Variants in ZBBX observed in about 807,000 individuals in gnomAD.
ZBBX encodes the protein zinc finger B-box domain-containing protein 1.
A neutral mutation model predicts 108.5 loss-of-function variants in ZBBX; 101 were observed. The observed-to-expected ratio is 0.93, with a 90% confidence interval of 0.79 to 1.10. The LOEUF is 1.10. ZBBX is among the 50% of genes least tolerant of loss of function. The probability of loss-of-function intolerance (pLI) is 0.00; values close to 1 mark genes in which losing one functional copy is unlikely to be tolerated. For missense variants in ZBBX, 1,009 were observed against 941.4 expected, an observed-to-expected ratio of 1.07 and a Z score of -0.94; for synonymous variants, 356 against 323.4, an observed-to-expected ratio of 1.10 and a Z score of -1.08.
chr3:167,304,314 A>G (rs1298610675), intron 17 of ZBBX, among the ~76,000 whole-genome samples: 2 of 152,120 alleles, frequency 1.3e-5, no homozygotes, highest in Non-Finnish European at 2.9e-5. Context: ...CACTTATTAC[A>G]CAGCTCACTG....
At chr3:167,359,535 ATTG>A (rs570269326) in intron 8 of ZBBX, among the ~76,000 whole-genome samples, 8 of 152,074 alleles carry the variant, frequency 5.3e-5, no homozygotes, top group Non-Finnish European at 7.4e-5. Flanking sequence ...GTCAAAAAGA[ATTG>A]TTGTTGTAGT....
At chr3:167,299,687 T>C (rs1391931260) in intron 17 of ZBBX, among the ~76,000 whole-genome samples, 4 of 152,130 alleles carry the variant, frequency 2.6e-5, no homozygotes, top group Non-Finnish European at 5.9e-5. Flanking sequence ...ACAGAAATCA[T>C]TTTCTGAAAA....
Position 167,333,985 on chromosome 3 carries a change from C to G in ZBBX, c.529G>C (p.Ala177Pro). The part of the protein sequence containing the change: ...LKLHRTTLLQ[A>P]KSQILFNVLD... ...ACATTGAATAATATTTGAGATTTTG[C>G]CTATTAAAAAAGTAACAATATAATT... Residue 177 changes from alanine to proline, a missense_variant and splice_region_variant, in exon 10 of 22, where the codon GCA becomes CCA. Coordinates refer to ENST00000675490, the MANE Select transcript of ZBBX (RefSeq NM_001199201.2). 1 of 1,513,594 alleles carries G rather than the reference C, an allele frequency of 6.6e-7. No individual in the cohort carries two copies. Among genetic ancestry groups the G allele is most frequent in the Non-Finnish European group, 8.8e-7 (1 of 1,130,432 alleles). The allele number at this position is 1,513,594 out of a possible 1,614,324, so 93.8% of individuals were successfully genotyped here.
intron 20 of ZBBX, among the ~76,000 whole-genome samples, chr3:167,249,691 T>C (rs2108351453): frequency 6.6e-6 from 1 of 152,292 alleles, no homozygotes; most frequent in East Asian, 1.9e-4. Context: ...ACCCAAATAT[T>C]TGAACTCTCC....
At chr3:167,183,665 C>T in the ZBBX span, among the ~76,000 whole-genome samples, 9 of 152,252 alleles carry the variant, frequency 5.9e-5, no homozygotes, top group Admixed American at 2.0e-4. Flanking sequence ...GCTAGTAATC[C>T]GCCACAGGAA....
intron 4 of ZBBX, among the ~76,000 whole-genome samples, chr3:167,370,926 T>A (rs541502567): frequency 5.3e-5 from 8 of 152,250 alleles, no homozygotes; most frequent in East Asian, 3.9e-4. Flanking sequence ...AGAAAATAAT[T>A]TCTAATCAAC....
chr3:167,213,095 A>G, the ZBBX span, among the ~76,000 whole-genome samples: 1 of 152,202 alleles, frequency 6.6e-6, no homozygotes, highest in Non-Finnish European at 1.5e-5. Context: ...GATGAGAAAG[A>G]ACCAATGCAA....
At chr3:167,372,752 A>C (rs2108598595) in intron 4 of ZBBX, 82 bp downstream of exon 4, 1 of 657,022 alleles carries the variant, frequency 1.5e-6, no homozygotes. Flanking sequence ...AATGAAGATA[A>C]GAATTCACAA....
At chr3:167,280,490 A>G (rs1244356596) in intron 20 of ZBBX, among the ~76,000 whole-genome samples, 2 of 150,542 alleles carry the variant, frequency 1.3e-5, no homozygotes, top group African/African-American at 4.9e-5. Context: ...GCAGCCAAAA[A>G]ACACATGAAA....
the ZBBX span, among the ~76,000 whole-genome samples, chr3:167,220,092 C>T: frequency 2.7e-4 from 41 of 151,670 alleles, no homozygotes; most frequent in African/African-American, 9.9e-4. Flanking sequence ...GTAATGAGTT[C>T]GAAGTTGTAA....
rs1400351565 is a variant in ZBBX at position 167,258,211 on chromosome 3, T to TACAGCCACTATGGAAA, written c.2255-15584_2255-15569dup. Among the ~76,000 whole-genome samples, 17 of 152,234 alleles carry TACAGCCACTATGGAAA rather than the reference T, an allele frequency of 1.1e-4. No homozygotes were observed. The East Asian group carries it at 3.3e-3, about 29-fold the overall frequency. On this transcript the variant is annotated intron_variant, in intron 20 of 21. Transcript: ENST00000675490. ...CACTGCTGGTGGGAATGTAAACTAG[T>TACAGCCACTATGGAAA]ACAGCCACTATGGAAAACAGTGTGA...
chr3:167,348,347 A>AGAAAGAAG (rs1741967222), intron 9 of ZBBX, among the ~76,000 whole-genome samples: 1 of 116,062 alleles, frequency 8.6e-6, no homozygotes, highest in Admixed American at 9.5e-5. Context: ...AAAGAAAGAA[A>AGAAAGAAG]GAAAGAAAGA....
At chr3:167,347,535 A>T (rs887771245) in intron 9 of ZBBX, among the ~76,000 whole-genome samples, 10 of 152,062 alleles carry the variant, frequency 6.6e-5, no homozygotes, top group Non-Finnish European at 2.9e-5. Flanking sequence ...AATTTTTTTT[A>T]AAAACTTTTC....
intron 20 of ZBBX, among the ~76,000 whole-genome samples, chr3:167,275,986 GC>G (rs1727498763): frequency 6.6e-6 from 1 of 152,152 alleles, no homozygotes; most frequent in Admixed American, 6.5e-5. Context: ...CCCCCAAGCA[GC>G]CTAACTGGGA....
intron 18 of ZBBX, among the ~76,000 whole-genome samples, chr3:167,297,912 A>G (rs751454164): frequency 5.9e-5 from 9 of 152,024 alleles, no homozygotes; most frequent in Admixed American, 1.3e-4. Context: ...ATTGTCAAGA[A>G]TATGTAATAA....
In ZBBX at chr3:167,241,241, C is replaced by T. The variant is rs188343168; in HGVS notation, c.2394-322G>A. On this transcript the variant is annotated intron_variant, in intron 21 of 21. Transcript: ENST00000675490. ...AGAGCCTCAGGGTCATCATTAAGAA[C>T]ATTCATCATCACATTGGCTGTTTAA... 4.2e-3 allele frequency among the ~76,000 whole-genome samples: 633 copies of T among 152,268 alleles called. 3 individuals carry two copies. Among genetic ancestry groups the T allele is most frequent in the Non-Finnish European group, 6.0e-3 (411 of 68,018 alleles).
the ZBBX span, among the ~76,000 whole-genome samples, chr3:167,222,410 G>C: frequency 6.6e-6 from 1 of 151,794 alleles, no homozygotes; most frequent in East Asian, 1.9e-4. Flanking sequence ...CCAGAAGCCA[G>C]GAAGGGTAGT....
intron 6 of ZBBX, among the ~76,000 whole-genome samples, chr3:167,363,437 C>G (rs186374030): frequency 1.1e-3 from 162 of 152,178 alleles, no homozygotes; most frequent in African/African-American, 3.8e-3. Context: ...TCCCACCTCA[C>G]CACTTGTCAA....
intron 16 of ZBBX, among the ~76,000 whole-genome samples, chr3:167,311,116 T>A (rs997676500): frequency 7.2e-5 from 11 of 152,068 alleles, no homozygotes; most frequent in Admixed American, 2.6e-4. Flanking sequence ...GACAAATAGA[T>A]AAATGAAACA....
Sources: allele counts gnomAD v4.1 joint callset (sites outside exome capture counted in the v4.1 genomes callset), GRCh38; gene constraint gnomAD v4.1.1; transcripts MANE v1.5; gene names NCBI Gene and HGNC (gene_info 2026-07-23, HGNC 2026-07-21).